ABCG8: variants seen among roughly 807,000 people sequenced by gnomAD.
The protein encoded by ABCG8 is ATP binding cassette subfamily G member 8.
ABCG8 carries 81 observed loss-of-function variants against 71.3 expected under a neutral mutation model. The observed-to-expected ratio is 1.14, with a 90% confidence interval of 0.95 to 1.37. The LOEUF (loss-of-function observed/expected upper bound fraction) is 1.37, where lower values mean the gene tolerates loss of function less well. ABCG8 is among the 40% of genes most tolerant of loss of function. The pLI is 0.00. For missense variants in ABCG8, 1,119 were observed against 866.2 expected (o/e 1.29, Z -3.66); for synonymous variants, 451 against 354.7 (o/e 1.27, Z -3.05).
intron 3 of ABCG8, among the ~76,000 whole-genome samples, chr2:43,849,464 T>C (rs1020757643): frequency 2.6e-5 from 4 of 152,158 alleles, no homozygotes; most frequent in Non-Finnish European, 5.9e-5. Flanking sequence ...GAGAACAGCA[T>C]AGAGGAAATC....
chr2:43,859,634 TAGA>T (rs1294689419), intron 6 of ABCG8, among the ~76,000 whole-genome samples: 2 of 151,360 alleles, frequency 1.3e-5, no homozygotes, highest in Non-Finnish European at 3.0e-5. Flanking sequence ...TCTCACTATC[TAGA>T]AGGATTTCTC....
intron 6 of ABCG8, among the ~76,000 whole-genome samples, chr2:43,871,063 G>T (rs186319092): frequency 6.8e-6 from 1 of 146,364 alleles, no homozygotes; most frequent in Admixed American, 6.7e-5. Flanking sequence ...TCTTACTCTA[G>T]ATAGAACTCT....
intron 6 of ABCG8, among the ~76,000 whole-genome samples, chr2:43,867,549 C>A (rs1330213154): frequency 6.6e-6 from 1 of 151,976 alleles, no homozygotes; most frequent in African/African-American, 2.4e-5. Context: ...ATGGAACTCT[C>A]ACTATCTGTC....
chr2:43,840,090 C>A (rs898573710), intron 1 of ABCG8, among the ~76,000 whole-genome samples: 5 of 152,184 alleles, frequency 3.3e-5, no homozygotes, highest in Non-Finnish European at 7.3e-5. Context: ...ATCCCCACTC[C>A]CACCACCTCA....
intron 11 of ABCG8, among the ~76,000 whole-genome samples, chr2:43,876,543 C>G (rs2104950794): frequency 6.7e-6 from 1 of 148,188 alleles, no homozygotes; most frequent in South Asian, 2.2e-4. Flanking sequence ...GGGAAGACTG[C>G]AAGAATATAG....
intron 3 of ABCG8, chr2:43,847,336 T>C (rs895719249): frequency 6.6e-6 from 1 of 152,200 alleles, no homozygotes; most frequent in African/African-American, 2.4e-5. Flanking sequence ...AAATGCACTT[T>C]GTAACTGAAA....
chr2:43,880,738 A>T lies in ABCG8; in HGVS notation c.*2825A>T, dbSNP rs1055856801. 1 of 152,212 alleles carries T rather than the reference A, an allele frequency of 6.6e-6. No individual in the cohort carries two copies. Among genetic ancestry groups the T allele is most frequent in the Non-Finnish European group, 1.5e-5 (1 of 68,050 alleles). 9.4% of individuals were successfully genotyped at this position (152,212 alleles called of 1,614,324 possible). On this transcript the variant is annotated 3_prime_UTR_variant, in exon 13 of 13. Transcript: ENST00000272286. The stretch of plus-strand genomic sequence containing the variant: ...TTTACTCTGATAACATCCATTTCCA[A>T]TCCAGCATCACAGAGTTGATCCTAG...
rs1176937145 is a variant in ABCG8 at position 43,873,982 on chromosome 2, C to T, written c.1407C>T (p.Ser469=). ...IPFNVILDVI[S]KCYSERAMLY... is the part of the protein sequence containing the mutation. Reference sequence around the variant, plus strand: ...TCAACGTCATTCTGGATGTCATCTCCAAATGTGAGTGTGGCCCACTGGCAT... The same window carrying T: ...TCAACGTCATTCTGGATGTCATCTCTAAATGTGAGTGTGGCCCACTGGCAT... The change falls in exon 9 of 13, where the codon TCC becomes TCT. Residue 469 remains serine, a synonymous_variant. Transcript: ENST00000272286. 1.9e-6 allele frequency: 3 copies of T among 1,613,928 alleles called. No individual in the cohort carries two copies. The highest frequency in any genetic ancestry group is 2.2e-5 in the South Asian group (2 of 91,078).
At chr2:43,874,337 G>T in intron 9 of ABCG8, 70 bp from the exon 10 acceptor site, 1 of 1,255,110 alleles carries the variant, frequency 8.0e-7, no homozygotes. Flanking sequence ...TATTAAGAGA[G>T]TCTCCAAAAC....
intron 6 of ABCG8, among the ~76,000 whole-genome samples, chr2:43,861,627 C>G (rs1233166913): frequency 6.6e-6 from 1 of 151,262 alleles, no homozygotes; most frequent in African/African-American, 2.4e-5. Flanking sequence ...AATTCTTACT[C>G]TCTGGATAGA....
In ABCG8 at chr2:43,879,798, G is replaced by T. The variant is rs372515567; in HGVS notation, c.*1885G>T. Reference sequence around the variant, plus strand: ...TCTGCCCAGTGCATCCTATCAGAAGGCATGTGATTTCAACTTCTCCCATAC... The same window carrying T: ...TCTGCCCAGTGCATCCTATCAGAAGTCATGTGATTTCAACTTCTCCCATAC... On this transcript the variant is annotated 3_prime_UTR_variant, in exon 13 of 13. Coordinates refer to ENST00000272286, the MANE Select transcript of ABCG8 (RefSeq NM_022437.3). 5 of 152,220 alleles carry T rather than the reference G, an allele frequency of 3.3e-5. No individual in the cohort carries two copies. The East Asian group carries it at 7.7e-4, about 23-fold the overall frequency. The allele number at this position is 152,220 out of a possible 1,614,324, so 9.4% of individuals were successfully genotyped here.
intron 6 of ABCG8, among the ~76,000 whole-genome samples, chr2:43,871,227 T>A (rs550785658): frequency 2.0e-5 from 3 of 151,106 alleles, no homozygotes; most frequent in Non-Finnish European, 4.4e-5. Flanking sequence ...ATTCTCACCC[T>A]CTGGATAGAA....
At chr2:43,871,399 T>G (rs950675170) in intron 6 of ABCG8, among the ~76,000 whole-genome samples, 11 of 151,522 alleles carry the variant, frequency 7.3e-5, no homozygotes, top group African/African-American at 1.2e-4. Flanking sequence ...TGGATAGAAT[T>G]CTCACCCTCT....
chr2:43,857,117 A>ATCTATCTGAATAGAATTCACACTCTCTT (rs1669138756), intron 6 of ABCG8, among the ~76,000 whole-genome samples: 1 of 149,638 alleles, frequency 6.7e-6, no homozygotes, highest in South Asian at 2.1e-4. Context: ...TTCACTCTCT[A>ATCTATCTGAATAGAATTCACACTCTCTT]GATAGAACTC....
rs1244409542 is a variant in ABCG8 at position 43,881,103 on chromosome 2, T to G, written c.*3190T>G. On this transcript the variant is annotated 3_prime_UTR_variant, in exon 13 of 13. Coordinates refer to ENST00000272286, the MANE Select transcript of ABCG8 (RefSeq NM_022437.3). ...CTCCCCAGGTAATTCTAATGTGCAG[T>G]GATTGACAGCCACTAAGATACATCA... 6.6e-6 allele frequency: 1 copy of G among 152,300 alleles called. No individual in the cohort carries two copies. The highest frequency in any genetic ancestry group is 1.5e-5 in the Non-Finnish European group (1 of 68,102). 9.4% of individuals were successfully genotyped at this position (152,300 alleles called of 1,614,324 possible). A position where few individuals can be genotyped will look rare whatever the true frequency, so the allele number is the denominator to read the frequency against.
At chr2:43,875,479 T>A (rs1669932296) in intron 11 of ABCG8, 66 bp downstream of exon 11, 1 of 1,567,982 alleles carries the variant, frequency 6.4e-7, no homozygotes, top group South Asian at 1.2e-5. Flanking sequence ...GAAGCCTGCT[T>A]TCATCTGGAG....
At chr2:43,858,649 G>C (rs1412285340) in intron 6 of ABCG8, among the ~76,000 whole-genome samples, 1 of 150,740 alleles carries the variant, frequency 6.6e-6, no homozygotes, top group Non-Finnish European at 1.5e-5. Flanking sequence ...TCTCTGGATA[G>C]AACTTTCACT....
chr2:43,842,013 ATT>A (rs4148223), intron 1 of ABCG8, among the ~76,000 whole-genome samples: 17 of 149,220 alleles, frequency 1.1e-4, no homozygotes, highest in East Asian at 3.9e-4. Context: ...AATGGATAAG[ATT>A]TTTTTTTTTT....
chr2:43,846,077 C>T (rs559023196), intron 2 of ABCG8, 78 bp from the exon 3 acceptor site: 81 of 1,536,328 alleles, frequency 5.3e-5, no homozygotes, highest in African/African-American at 3.4e-4. Context: ...ACCTGGGGAA[C>T]GAAGATGCTG....
Sources: gnomAD v4.1 joint callset for allele counts (sites outside exome capture counted in the v4.1 genomes callset) on GRCh38, gnomAD v4.1.1 for gene constraint, MANE v1.5 for transcripts, NCBI Gene and HGNC (gene_info 2026-07-23, HGNC 2026-07-21) for gene names.